Variants in RIOK1 observed in about 807,000 individuals in gnomAD.
RIOK1 encodes serine/threonine-protein kinase RIO1.
In RIOK1, 66 loss-of-function variants were observed where a neutral mutation model predicts 73.5. The ratio of observed to expected loss-of-function variants is 0.90; its 90% CI spans 0.74 to 1.10. RIOK1 has a LOEUF of 1.10. Among genes scored for constraint, RIOK1 ranks in the 50% least tolerant of loss-of-function variants. The pLI, the probability that RIOK1 is intolerant of heterozygous loss-of-function variation, is 0.00. For synonymous variants in RIOK1, 224 were observed against 226.8 expected (o/e 0.99, Z 0.11); for missense variants, 658 against 699.8 (o/e 0.94, Z 0.67).
Position 7,391,358 on chromosome 6 carries a change from A to G in RIOK1, c.71+1285A>G, listed in dbSNP as rs557246997. ...TGTATTCGAATTGGGTAAGTAGTAC[A>G]AAGGAGAAGTGGGGGAAAAATAGGG... On this transcript the variant is annotated intron_variant, in intron 1 of 16. Coordinates refer to ENST00000379834, the MANE Select transcript of RIOK1 (RefSeq NM_031480.3). Among the ~76,000 whole-genome samples the G allele has an allele frequency of 3.9e-4, 59 of 152,310 alleles. 1 individual carries two copies. The highest frequency in any genetic ancestry group is 1.3e-3 in the African/African-American group (52 of 41,572).
intron 1 of RIOK1, chr6:7,392,836 T>C (rs1324500): frequency 0.92 from 653,133 of 710,974 alleles, 301,016 homozygotes; most frequent in South Asian, 0.96. Context: ...TTTCTAACTT[T>C]AACAAGGCAG....
At position 7,414,338 on chromosome 6, in the gene RIOK1, G is replaced by A. The variant is rs142585130; in HGVS notation, c.1544G>A (p.Gly515Glu). ...ECSDTDSEEQ[G>E]DHARPKKHTT... Reference sequence around the variant, plus strand: ...TCTGACACAGACTCTGAAGAGCAGGGAGACCATGCCCGCCCCAAGAAACAC... The same window carrying A: ...TCTGACACAGACTCTGAAGAGCAGGAAGACCATGCCCGCCCCAAGAAACAC... The change falls in exon 16 of 17, where the codon GGA becomes GAA. Residue 515 changes from glycine to glutamate, a missense_variant. Gly to Glu is a moderately conservative substitution (Grantham distance 98). Coordinates refer to ENST00000379834, the MANE Select transcript of RIOK1 (RefSeq NM_031480.3). The A allele has an allele frequency of 8.1e-6, 13 of 1,613,686 alleles. No homozygotes were observed. In the Admixed American group the frequency reaches 1.0e-4, roughly 12 times the overall value.
intron 5 of RIOK1, 106 bp downstream of exon 5, chr6:7,398,846 A>G (rs1761543207): frequency 2.4e-6 from 2 of 845,712 alleles, no homozygotes; most frequent in Non-Finnish European, 3.7e-6. Flanking sequence ...TGTTACCTAA[A>G]ATTACTCCTA....
intron 1 of RIOK1, among the ~76,000 whole-genome samples, chr6:7,392,096 C>T (rs543767531): frequency 3.1e-4 from 47 of 152,164 alleles, no homozygotes; most frequent in African/African-American, 1.1e-3. Flanking sequence ...TTGAATTTGG[C>T]CTGCAGACAT....
Position 7,417,389 on chromosome 6 carries a change from A to G in RIOK1, c.1655A>G (p.Lys552Arg). 6.4e-7 allele frequency: 1 copy of G among 1,570,302 alleles called. No individual in the cohort carries two copies. The highest frequency in any genetic ancestry group is 1.9e-5 in the Admixed American group (1 of 52,432). The stretch of plus-strand genomic sequence containing the variant: ...GAGAAAAGAAAAAACAAAATTCCTA[A>G]ACATGTGAAAAAAAGAAAGGAGAAG... Reference protein sequence around the residue: ...QREKRKNKIPKHVKKRKEKTA... With the variant: ...QREKRKNKIPRHVKKRKEKTA... Residue 552 changes from lysine to arginine, a missense_variant, in exon 17 of 17, where the codon AAA (lysine) becomes AGA (arginine). Transcript: ENST00000379834.
chr6:7,395,536 G>C lies in RIOK1; in HGVS notation c.367+393G>C, dbSNP rs187120170. Among the ~76,000 whole-genome samples the C allele has an allele frequency of 2.0e-5, 3 of 148,910 alleles. No homozygotes were observed. The East Asian group carries it at 5.9e-4, about 29-fold the overall frequency. On this transcript the variant is annotated intron_variant, in intron 3 of 16. Transcript: ENST00000379834. ...CTCAAAAAAAAAAAAAAAGAAAAAA[G>C]GAATGAATGTATTCAAGTGTTACTA...
intron 14 of RIOK1, 150 bp from the exon 15 acceptor site, chr6:7,412,739 C>G (rs1484543353): frequency 2.5e-6 from 1 of 394,338 alleles, no homozygotes; most frequent in Non-Finnish European, 4.6e-6. Context: ...TTATAAACTT[C>G]CTGTGTTACA....
rs116541124 is a variant in RIOK1 at position 7,402,648 on chromosome 6, A to G, written c.619A>G (p.Ile207Val). 2,513 of 1,613,088 alleles carry G rather than the reference A, an allele frequency of 1.6e-3. 10 individuals carry two copies. Among genetic ancestry groups the G allele is most frequent in the East Asian group, 0.014 (612 of 44,820 alleles). The part of the protein sequence containing the change: ...ASTANGESRA[I>V]KIYKTSILVF... ...CACAGCAAATGGAGAGAGCAGAGCAATCAAAATTTATAAAACTTCTATTTT... is the reference window on the plus strand; with the variant it reads ...CACAGCAAATGGAGAGAGCAGAGCAGTCAAAATTTATAAAACTTCTATTTT... Residue 207 changes from isoleucine (I) to valine (V), a missense_variant, in exon 7 of 17, where the codon ATC becomes GTC. By Grantham distance (29) the Ile-to-Val change is conservative. Coordinates refer to ENST00000379834, the MANE Select transcript of RIOK1 (RefSeq NM_031480.3).
intron 4 of RIOK1, among the ~76,000 whole-genome samples, chr6:7,398,059 G>A (rs528899502): frequency 4.2e-4 from 64 of 152,226 alleles, no homozygotes; most frequent in Non-Finnish European, 7.4e-4. Flanking sequence ...GGAGAATGGC[G>A]TGAACCCGGG....
At chr6:7,409,213 T>TA (rs1761825540) in intron 12 of RIOK1, among the ~76,000 whole-genome samples, 2 of 88,234 alleles carry the variant, frequency 2.3e-5, no homozygotes, top group Non-Finnish European at 4.5e-5. Context: ...TCCCGACTAA[T>TA]TGTGTGTGTG....
chr6:7,413,870 A>G (rs1254047312), intron 15 of RIOK1, among the ~76,000 whole-genome samples: 1 of 152,178 alleles, frequency 6.6e-6, no homozygotes, highest in Non-Finnish European at 1.5e-5. Context: ...TCACAGGAAA[A>G]CAGCTGTGAA....
At chr6:7,410,344 A>G (rs1490795330) in intron 12 of RIOK1, 42 bp from the exon 13 acceptor site, 2 of 1,378,042 alleles carry the variant, frequency 1.5e-6, no homozygotes, top group Non-Finnish European at 2.1e-6. Flanking sequence ...TGCCTTCTGC[A>G]GTTTGAATAT....
At chr6:7,404,308 C>A in intron 9 of RIOK1, 110 bp from the exon 10 acceptor site, 1 of 1,268,378 alleles carries the variant, frequency 7.9e-7, no homozygotes, top group Non-Finnish European at 1.1e-6. Context: ...GACAGATTGT[C>A]CCACATACAG....
chr6:7,414,409 T>A lies in RIOK1; in HGVS notation c.1596+19T>A. 6.3e-7 allele frequency: 1 copy of A among 1,590,026 alleles called. No homozygotes were observed. ...TAAAAAAGTAAGCAATGAAATACCT[T>A]CCCCTTTTCTTTAGTGTGGGAGCAC... On this transcript the variant is annotated intron_variant, in intron 16 of 16. Coordinates refer to ENST00000379834, the MANE Select transcript of RIOK1 (RefSeq NM_031480.3).
At chr6:7,390,392 A>G (rs1163383285) in intron 1 of RIOK1, among the ~76,000 whole-genome samples, 1 of 152,216 alleles carries the variant, frequency 6.6e-6, no homozygotes, top group East Asian at 1.9e-4. Context: ...ACAAATACTT[A>G]CTAAGCACTT....
intron 4 of RIOK1, among the ~76,000 whole-genome samples, chr6:7,397,870 A>G (rs1014983338): frequency 6.6e-6 from 1 of 152,202 alleles, no homozygotes; most frequent in Non-Finnish European, 1.5e-5. Flanking sequence ...TGCCAGGTGC[A>G]GTGGCTCACG....
chr6:7,406,193 C>A (rs1434250860), intron 12 of RIOK1, among the ~76,000 whole-genome samples: 2 of 152,014 alleles, frequency 1.3e-5, no homozygotes, highest in East Asian at 3.9e-4. Context: ...GACAGGGTTT[C>A]ATCATGTTGC....
Position 7,414,283 on chromosome 6 carries a change from G to A in RIOK1, c.1489G>A (p.Asp497Asn), listed in dbSNP as rs2113531653. 1 of 1,613,886 alleles carries A rather than the reference G, an allele frequency of 6.2e-7. No homozygotes were observed. ...TCAAGTGGAGGAAAGGACTTGTTCTGATTCAGAAGATATTGGAAGCTCTGA... is the reference window on the plus strand; with the variant it reads ...TCAAGTGGAGGAAAGGACTTGTTCTAATTCAGAAGATATTGGAAGCTCTGA... The part of the protein sequence containing the change: ...ENQVEERTCS[D>N]SEDIGSSECS... The change falls in exon 16 of 17, where the codon GAT becomes AAT. Residue 497 changes from aspartate (D) to asparagine (N), a missense_variant. Transcript: ENST00000379834.
rs1761641792 is a variant in RIOK1 at position 7,402,652 on chromosome 6, A to G, written c.623A>G (p.Lys208Arg). Residue 208 changes from lysine (K) to arginine (R), a missense_variant, in exon 7 of 17, where the codon AAA becomes AGA. Physicochemically the swap from Lys to Arg is conservative, Grantham distance 26 (BLOSUM62 2). Coordinates refer to ENST00000379834, the MANE Select transcript of RIOK1 (RefSeq NM_031480.3). ...STANGESRAI[K>R]IYKTSILVFK... ...GCAAATGGAGAGAGCAGAGCAATCA[A>G]AATTTATAAAACTTCTATTTTGGTG... 6.2e-7 allele frequency: 1 copy of G among 1,613,090 alleles called. No homozygotes were observed. Among genetic ancestry groups the G allele is most frequent in the Non-Finnish European group, 8.5e-7 (1 of 1,179,376 alleles).
Sources: gnomAD v4.1 joint callset for allele counts (sites outside exome capture counted in the v4.1 genomes callset) on GRCh38, gnomAD v4.1.1 for gene constraint, MANE v1.5 for transcripts, NCBI Gene and HGNC (gene_info 2026-07-23, HGNC 2026-07-21) for gene names.